AFP: variants seen among roughly 807,000 people sequenced by gnomAD.
AFP encodes alpha-fetoprotein.
A neutral mutation model predicts 78.9 loss-of-function variants in AFP; 64 were observed. The observed-to-expected ratio is 0.81, with a 90% confidence interval of 0.66 to 1.00. The LOEUF (loss-of-function observed/expected upper bound fraction) is 1.00, where lower values mean the gene tolerates loss of function less well. AFP is among the 50% of genes least tolerant of loss of function. The pLI is 0.00. For synonymous variants in AFP, 254 were observed against 243.8 expected (o/e 1.04, Z -0.39); for missense variants, 689 against 703.8 (o/e 0.98, Z 0.24).
In AFP at chr4:73,455,679, T is replaced by C. The variant is rs879564561; in HGVS notation, c.*59T>C. On this transcript the variant is annotated 3_prime_UTR_variant, in exon 15 of 15. Coordinates refer to ENST00000395792, the MANE Select transcript of AFP (RefSeq NM_001134.3). Reference sequence around the variant, plus strand: ...TTTCATTCGGTGTGAACTTTTCTCTTTAATTTTAACTGATTTAACACTTTT... The same window carrying C: ...TTTCATTCGGTGTGAACTTTTCTCTCTAATTTTAACTGATTTAACACTTTT... The C allele has an allele frequency of 2.9e-6, 2 of 696,422 alleles. No homozygotes were observed. The highest frequency in any genetic ancestry group is 5.2e-6 in the Non-Finnish European group (2 of 383,298). 43.1% of individuals were successfully genotyped at this position (696,422 alleles called of 1,614,324 possible).
intron 9 of AFP, among the ~76,000 whole-genome samples, chr4:73,449,786 A>G (rs1328066134): frequency 6.6e-6 from 1 of 152,224 alleles, no homozygotes; most frequent in Non-Finnish European, 1.5e-5. Flanking sequence ...AGAATTTGGT[A>G]CAGAAAGAAC....
Position 73,450,695 on chromosome 4 carries a change from C to T in AFP, c.1370C>T (p.Thr457Ile). Residue 457 changes from threonine (T) to isoleucine (I), a missense_variant, in exon 11 of 15, where the codon ACA (threonine) becomes ATA (isoleucine). Thr to Ile is a moderately conservative substitution (Grantham distance 89). Coordinates refer to ENST00000395792, the MANE Select transcript of AFP (RefSeq NM_001134.3). ...LMAITRKMAATAATCCQLSED... is the reference protein window; with the variant it reads ...LMAITRKMAAIAATCCQLSED... The stretch of plus-strand genomic sequence containing the variant: ...GCCATCACCAGAAAAATGGCAGCCA[C>T]AGCAGCCACTTGTTGCCAACTCAGT... The T allele has an allele frequency of 1.2e-6, 2 of 1,614,154 alleles. No individual in the cohort carries two copies. The highest frequency in any genetic ancestry group is 1.7e-6 in the Non-Finnish European group (2 of 1,180,000).
chr4:73,444,363 T>A (rs1719760139), intron 6 of AFP, among the ~76,000 whole-genome samples: 1 of 152,190 alleles, frequency 6.6e-6, no homozygotes, highest in Non-Finnish European at 1.5e-5. Flanking sequence ...ATAGAGAAGA[T>A]CCATCTTTAT....
intron 10 of AFP, among the ~76,000 whole-genome samples, 187 bp downstream of exon 10, chr4:73,450,320 G>A (rs1290848939): frequency 2.6e-5 from 4 of 152,166 alleles, no homozygotes; most frequent in Non-Finnish European, 5.9e-5. Flanking sequence ...GTCTGTCCGA[G>A]TTAAAGCACC....
At chr4:73,441,362 C>T (rs527274362) in intron 4 of AFP, among the ~76,000 whole-genome samples, 2 of 151,454 alleles carry the variant, frequency 1.3e-5, no homozygotes, top group Non-Finnish European at 2.9e-5. Flanking sequence ...GTCAGGAGAT[C>T]GAGACCATCC....
At chr4:73,450,155 T>A (rs1476009701) in intron 10 of AFP, 22 bp downstream of exon 10, 2 of 1,536,244 alleles carry the variant, frequency 1.3e-6, no homozygotes, top group African/African-American at 1.4e-5. Flanking sequence ...TAAACAGTAT[T>A]TTTAGTGAAT....
chr4:73,450,777 C>T (rs374218864), intron 11 of AFP, 24 bp downstream of exon 11: 302 of 1,613,340 alleles, frequency 1.9e-4, no homozygotes, highest in Non-Finnish European at 2.5e-4. Flanking sequence ...TGGTTTGGTC[C>T]CATCTCATTT....
chr4:73,436,381 T>C (rs777887560), intron 1 of AFP, 34 bp downstream of exon 1: 6 of 1,244,644 alleles, frequency 4.8e-6, no homozygotes, highest in Non-Finnish European at 6.8e-6. Flanking sequence ...GTCTTTTCTC[T>C]ATATCAAAAT....
At position 73,436,339 on chromosome 4, in the gene AFP, A is replaced by G; in HGVS notation, c.77A>G (p.Tyr26Cys). The change falls in exon 1 of 15, where the codon TAT becomes TGT. Residue 26 changes from tyrosine (Y) to cysteine (C), a missense_variant. By Grantham distance (194) the Tyr-to-Cys change is radical. Coordinates refer to ENST00000395792, the MANE Select transcript of AFP (RefSeq NM_001134.3). ...TESRTLHRNE[Y>C]GIASILDSYQ... is the part of the protein sequence containing the mutation. ...TCCAGAACACTGCATAGAAATGAAT[A>G]TGGAATAGGTGAGATATTTTGTGTT... The G allele has an allele frequency of 9.5e-6, 15 of 1,574,790 alleles. No homozygotes were observed. Among genetic ancestry groups the G allele is most frequent in the Non-Finnish European group, 1.3e-5 (15 of 1,150,918 alleles).
chr4:73,442,686 AAGAGAGAAAGAG>A (rs1719704885), intron 5 of AFP, among the ~76,000 whole-genome samples: 1 of 152,156 alleles, frequency 6.6e-6, no homozygotes, highest in South Asian at 2.1e-4. Flanking sequence ...GACAGACAGA[AAGAGAGAAAGAG>A]AGGGTGCTAT....
In AFP at chr4:73,445,048, A is replaced by C. The variant is rs1719777440; in HGVS notation, c.769A>C (p.Lys257Gln). 6.2e-7 allele frequency: 1 copy of C among 1,613,604 alleles called. No homozygotes were observed. The highest frequency in any genetic ancestry group is 8.5e-7 in the Non-Finnish European group (1 of 1,179,544). Reference protein sequence around the residue: ...FTKVNFTEIQKLVLDVAHVHE... With the variant: ...FTKVNFTEIQQLVLDVAHVHE... ...CAAAGTTAATTTTACTGAAATCCAG[A>C]AACTAGTCCTGGATGTGGCCCATGT... Residue 257 changes from lysine to glutamine, a missense_variant, in exon 7 of 15, where the codon AAA becomes CAA. Lys to Gln is a moderately conservative substitution (Grantham distance 53). Coordinates refer to ENST00000395792, the MANE Select transcript of AFP (RefSeq NM_001134.3).
intron 7 of AFP, among the ~76,000 whole-genome samples, chr4:73,447,119 T>C (rs1265781091): frequency 1.3e-5 from 2 of 152,024 alleles, no homozygotes; most frequent in African/African-American, 2.4e-5. Context: ...TTTCCAAGGG[T>C]CTTTCTAGAT....
chr4:73,436,485 T>C (rs922584990), intron 1 of AFP, 138 bp downstream of exon 1: 1 of 573,484 alleles, frequency 1.7e-6, no homozygotes, highest in African/African-American at 1.9e-5. Context: ...GATGGATATA[T>C]TTAAATGAAA....
intron 6 of AFP, among the ~76,000 whole-genome samples, chr4:73,444,560 T>C (rs1398671351): frequency 1.3e-5 from 2 of 152,212 alleles, no homozygotes; most frequent in African/African-American, 2.4e-5. Context: ...TCCCATTTCA[T>C]TGATTTGCAC....
intron 7 of AFP, 121 bp downstream of exon 7, chr4:73,445,243 C>T (rs1258778789): frequency 8.2e-7 from 1 of 1,219,538 alleles, no homozygotes; most frequent in Non-Finnish European, 1.2e-6. Context: ...AACTAGGTGA[C>T]TCCTTAAATT....
At chr4:73,449,904 A>C in intron 9 of AFP, 132 bp from the exon 10 acceptor site, 1 of 651,816 alleles carries the variant, frequency 1.5e-6, no homozygotes, top group Non-Finnish European at 2.6e-6. Flanking sequence ...ATCAAAATTT[A>C]CACTTTACCA....
At chr4:73,451,058 A>G (rs890851338) in intron 11 of AFP, among the ~76,000 whole-genome samples, 2 of 152,256 alleles carry the variant, frequency 1.3e-5, no homozygotes, top group Non-Finnish European at 2.9e-5. Flanking sequence ...ATAACAATTC[A>G]TAATTCATAA....
chr4:73,455,331 C>T, intron 14 of AFP, 41 bp downstream of exon 14: 1 of 1,467,758 alleles, frequency 6.8e-7, no homozygotes, highest in East Asian at 2.3e-5. Flanking sequence ...AATGTTGTTT[C>T]TCCAGAAATA....
intron 4 of AFP, among the ~76,000 whole-genome samples, chr4:73,442,057 T>G (rs987741312): frequency 6.6e-6 from 1 of 152,202 alleles, no homozygotes; most frequent in Non-Finnish European, 1.5e-5. Context: ...CTTCTCATAA[T>G]AGAATCTGGT....
Sources: gnomAD v4.1 joint callset for allele counts (sites outside exome capture counted in the v4.1 genomes callset) on GRCh38, gnomAD v4.1.1 for gene constraint, MANE v1.5 for transcripts, NCBI Gene and HGNC (gene_info 2026-07-23, HGNC 2026-07-21) for gene names.